The following ADGRG4 variants were observed in gnomAD, a reference collection of about 807,000 sequenced individuals.
ADGRG4 encodes G protein-coupled receptor 112.
Under a neutral mutation model 126.2 loss-of-function variants are expected in ADGRG4, and 122 were observed. That is an observed-to-expected ratio of 0.97 (90% CI 0.83 to 1.12). The LOEUF (loss-of-function observed/expected upper bound fraction) is 1.12. ADGRG4 is among the 50% of genes most tolerant of loss of function. The pLI is 0.00. For synonymous variants in ADGRG4, 943 were observed against 838.7 expected (o/e 1.12, Z -2.15); for missense variants, 2,481 against 2,251.8 (o/e 1.10, Z -2.06).
chrX:136,373,002 G>A lies in ADGRG4; in HGVS notation c.7714G>A (p.Asp2572Asn). 1 of 1,210,868 alleles carries A rather than the reference G, an allele frequency of 8.3e-7. No homozygotes were observed. The highest frequency in any genetic ancestry group is 1.1e-6 in the Non-Finnish European group (1 of 894,998). Reference protein sequence around the residue: ...AGLALAVLRGDHTFDGMAFSI... With the variant: ...AGLALAVLRGNHTFDGMAFSI... ...GCTGGCTTTGGCTGTGCTGCGGGGG[G>A]ACCACACGTTTGATGGCATGGCTTT... is the stretch of plus-strand genomic sequence containing the variant. Residue 2572 changes from aspartate (D) to asparagine (N), a missense_variant, in exon 15 of 26, where the codon GAC becomes AAC. Transcript: ENST00000394143.
intron 13 of ADGRG4, among the ~76,000 whole-genome samples, chrX:136,369,640 G>T (rs1046104000): frequency 8.9e-6 from 1 of 112,253 alleles, no homozygotes; most frequent in Non-Finnish European, 1.9e-5. Context: ...AAGTCTGAGC[G>T]ATTTAATAAG....
intron 15 of ADGRG4, among the ~76,000 whole-genome samples, chrX:136,386,200 T>C (rs1249713715): frequency 8.9e-6 from 1 of 112,209 alleles, no homozygotes; most frequent in East Asian, 2.8e-4. Context: ...TTACTTTGTA[T>C]TGTTGTTATA....
intron 1 of ADGRG4, 148 bp downstream of exon 1, chrX:136,301,148 T>G (rs367892642): frequency 8.9e-6 from 1 of 112,391 alleles, no homozygotes; most frequent in East Asian, 2.8e-4. Context: ...TCTAGATCCT[T>G]GAGGAATTGC....
chrX:136,315,024 C>T (rs2074796621), intron 4 of ADGRG4, among the ~76,000 whole-genome samples: 1 of 111,380 alleles, frequency 9.0e-6, no homozygotes, highest in African/African-American at 3.3e-5. Flanking sequence ...GAGTCAGCAG[C>T]CTAGGTACTA....
In ADGRG4 at chrX:136,308,852, G is replaced by GA. The variant is rs780240741; in HGVS notation, c.70+9dup. ...CGAGTTTTATCTTTCTCTCAGGTAA[G>GA]AAAATGTATTCTTATTATCTCTTTC... On this transcript the variant is annotated splice_donor_region_variant and intron_variant, in intron 4 of 25. Transcript: ENST00000394143. 9.7e-7 allele frequency: 1 copy of GA among 1,032,960 alleles called. No homozygotes were observed. Among genetic ancestry groups the GA allele is most frequent in the African/African-American group, 1.8e-5 (1 of 54,099 alleles). 85.1% of individuals were successfully genotyped at this position (1,032,960 alleles called of 1,213,427 possible).
chrX:136,316,779 C>T (rs959615549), intron 4 of ADGRG4, among the ~76,000 whole-genome samples: 3 of 110,951 alleles, frequency 2.7e-5, no homozygotes, highest in African/African-American at 6.5e-5. Context: ...TACTCACTGA[C>T]TTTTAAAATA....
At chrX:136,351,648 A>G in intron 7 of ADGRG4, 107 bp downstream of exon 7, 1 of 338,875 alleles carries the variant, frequency 3.0e-6, no homozygotes. Context: ...TTTTCTACCA[A>G]TAATAAATTT....
intron 5 of ADGRG4, 127 bp from the exon 6 acceptor site, chrX:136,344,265 G>C: frequency 2.2e-6 from 1 of 462,856 alleles, no homozygotes; most frequent in South Asian, 4.1e-5. Context: ...AAAATCAAGT[G>C]ATCAAGTGAT....
chrX:136,412,456 C>A, intron 24 of ADGRG4, 90 bp downstream of exon 24: 1 of 560,041 alleles, frequency 1.8e-6, no homozygotes, highest in Non-Finnish European at 3.1e-6. Flanking sequence ...GTACTTACAG[C>A]ATATCAGCAT....
intron 25 of ADGRG4, among the ~76,000 whole-genome samples, chrX:136,415,862 T>C (rs910684084): frequency 8.9e-6 from 1 of 112,467 alleles, no homozygotes; most frequent in Non-Finnish European, 1.9e-5. Flanking sequence ...AGGATATTGA[T>C]GTTGTCTTAC....
Position 136,348,972 on chromosome X carries a change from G to T in ADGRG4, c.5266G>T (p.Ala1756Ser). The change falls in exon 6 of 26, where the codon GCA becomes TCA. Residue 1756 changes from alanine (A) to serine (S), a missense_variant. Coordinates refer to ENST00000394143, the MANE Select transcript of ADGRG4 (RefSeq NM_153834.4). ...VPENMLSPTH[A>S]DSLHTSFNIQ... is the part of the protein sequence containing the mutation. ...TGAAAATATGCTTTCACCTACTCAT[G>T]CAGATAGTCTCCATACTTCCTTCAA... is the stretch of plus-strand genomic sequence containing the variant. 1 of 1,209,387 alleles carries T rather than the reference G, an allele frequency of 8.3e-7. No homozygotes were observed. The highest frequency in any genetic ancestry group is 1.1e-6 in the Non-Finnish European group (1 of 893,865).
intron 15 of ADGRG4, among the ~76,000 whole-genome samples, chrX:136,376,231 G>A (rs2075224457): frequency 9.0e-6 from 1 of 111,528 alleles, no homozygotes; most frequent in South Asian, 3.7e-4. Context: ...TTATTTCTGG[G>A]TTTTCTATTC....
intron 10 of ADGRG4, among the ~76,000 whole-genome samples, chrX:136,358,074 AAAC>A (rs1270415832): frequency 2.7e-5 from 3 of 111,633 alleles, no homozygotes; most frequent in African/African-American, 3.3e-5. Flanking sequence ...GGGAAATTGG[AAAC>A]AACAACAACA....
chrX:136,367,712 A>T lies in ADGRG4; in HGVS notation c.7397-3616A>T, dbSNP rs1173423868. Among the ~76,000 whole-genome samples, 5 of 112,341 alleles carry T rather than the reference A, an allele frequency of 4.5e-5. No individual in the cohort carries two copies. The East Asian group carries it at 1.4e-3, about 31-fold the overall frequency. On this transcript the variant is annotated intron_variant, in intron 13 of 25. Transcript: ENST00000394143. ...AAATTAGGGGCTTAATGAACAATGA[A>T]TACAATATAAAGGAAAGAAAAATGT...
At chrX:136,363,851 C>T (rs536681346) in intron 13 of ADGRG4, among the ~76,000 whole-genome samples, 2 of 111,114 alleles carry the variant, frequency 1.8e-5, no homozygotes, top group African/African-American at 6.5e-5. Context: ...CTCTTGTTGC[C>T]CAGGCTGGAG....
Position 136,315,758 on chromosome X carries a change from G to T in ADGRG4, c.70+6911G>T, listed in dbSNP as rs2074801170. Among the ~76,000 whole-genome samples, 3 of 111,756 alleles carry T rather than the reference G, an allele frequency of 2.7e-5. No homozygotes were observed. The Admixed American group carries it at 2.8e-4, about 11-fold the overall frequency. On this transcript the variant is annotated intron_variant, in intron 4 of 25. Coordinates refer to ENST00000394143, the MANE Select transcript of ADGRG4 (RefSeq NM_153834.4). ...AGATAAAGTCATACTGCAGTAGGGTGGGCCCCTAATCCAATATTATTGGTA... is the reference window on the plus strand; with the variant it reads ...AGATAAAGTCATACTGCAGTAGGGTTGGCCCCTAATCCAATATTATTGGTA...
chrX:136,322,902 T>C lies in ADGRG4; in HGVS notation c.195T>C (p.Asp65=). Residue 65 remains aspartate (D), a synonymous_variant, in exon 5 of 26, where the codon GAT becomes GAC. Coordinates refer to ENST00000394143, the MANE Select transcript of ADGRG4 (RefSeq NM_153834.4). ...FTACIDLVFM[D]DNSRYWMAFS... The stretch of plus-strand genomic sequence containing the variant: ...CATGCATTGATCTGGTATTCATGGA[T>C]GACAACTCAAGGTATTGGATGGCCT... 8.3e-7 allele frequency: 1 copy of C among 1,211,904 alleles called. No homozygotes were observed. The highest frequency in any genetic ancestry group is 1.1e-6 in the Non-Finnish European group (1 of 895,466).
intron 11 of ADGRG4, among the ~76,000 whole-genome samples, chrX:136,359,928 C>G (rs191960885): frequency 1.1e-4 from 12 of 111,870 alleles, no homozygotes; most frequent in African/African-American, 3.9e-4. Context: ...GGCTACCAGG[C>G]CACTCCACCT....
intron 3 of ADGRG4, among the ~76,000 whole-genome samples, chrX:136,308,479 T>A (rs970941022): frequency 8.9e-6 from 1 of 111,982 alleles, no homozygotes; most frequent in Non-Finnish European, 1.9e-5. Context: ...ATGGCAGAGA[T>A]GTGTGTCTTG....
Sources: allele counts gnomAD v4.1 joint callset (sites outside exome capture counted in the v4.1 genomes callset), GRCh38; gene constraint gnomAD v4.1.1; transcripts MANE v1.5; gene names NCBI Gene and HGNC (gene_info 2026-07-23, HGNC 2026-07-21).